Variants in SPATA6L observed in about 807,000 individuals in gnomAD.
SPATA6L encodes the protein spermatogenesis associated 6 like, also known as spermatogenesis associated 6-like protein.
SPATA6L carries 68 observed loss-of-function variants against 49.2 expected under a neutral mutation model. The observed-to-expected ratio is 1.38, with a 90% CI of 1.14 to 1.69. The LOEUF (loss-of-function observed/expected upper bound fraction) is 1.69. Ranked by LOEUF, SPATA6L falls within the 40% of genes most tolerant of loss-of-function variation. The pLI is 0.00. For synonymous variants in SPATA6L, 198 were observed against 165.7 expected, an observed-to-expected ratio of 1.19 and a Z score of -1.50; for missense variants, 668 against 464.3, an observed-to-expected ratio of 1.44 and a Z score of -4.03.
rs1261979876 is a variant in SPATA6L at position 4,606,557 on chromosome 9, G to A, written c.996-1117C>T. Reference sequence around the variant, plus strand: ...GGGCACACTGACACCTCACACGGCCGGGTACTCCAACAGACCTGCAGCTGA... The same window carrying A: ...GGGCACACTGACACCTCACACGGCCAGGTACTCCAACAGACCTGCAGCTGA... On this transcript the variant is annotated intron_variant, in intron 9 of 11. Coordinates refer to ENST00000682582, the MANE Select transcript of SPATA6L (RefSeq NM_001353486.2). 2.7e-4 allele frequency among the ~76,000 whole-genome samples: 10 copies of A among 36,796 alleles called. 5 individuals are homozygous for A. The highest frequency in any genetic ancestry group is 7.2e-4 in the African/African-American group (8 of 11,110). The allele number at this position is 36,796 out of a possible 152,430, so 24.1% of individuals were successfully genotyped here.
At chr9:4,605,914 T>A (rs1324224780) in intron 9 of SPATA6L, among the ~76,000 whole-genome samples, 3 of 152,166 alleles carry the variant, frequency 2.0e-5, no homozygotes, top group Non-Finnish European at 4.4e-5. Flanking sequence ...TTCATCTCAC[T>A]AGGGAGTGCC....
intron 4 of SPATA6L, among the ~76,000 whole-genome samples, chr9:4,631,802 A>G (rs10974676): frequency 0.15 from 23,354 of 152,110 alleles, 2,969 homozygotes; most frequent in East Asian, 0.34. Context: ...AGTGAGTAAG[A>G]GTGCAGGCTC....
chr9:4,607,522 G>T (rs1202676142), intron 9 of SPATA6L, among the ~76,000 whole-genome samples: 1 of 152,168 alleles, frequency 6.6e-6, no homozygotes, highest in Non-Finnish European at 1.5e-5. Flanking sequence ...TTTCAACCCA[G>T]AATGTCATAT....
intron 3 of SPATA6L, among the ~76,000 whole-genome samples, chr9:4,649,884 AT>A (rs908540278): frequency 2.0e-4 from 31 of 152,000 alleles, no homozygotes; most frequent in Non-Finnish European, 3.2e-4. Context: ...GAAATGCTGA[AT>A]TTTTTTTCTG....
At position 4,625,485 on chromosome 9, in the gene SPATA6L, T is replaced by G. The variant is rs1448092580; in HGVS notation, c.511A>C (p.Lys171Gln). The change falls in exon 6 of 12, where the codon AAG becomes CAG. Residue 171 changes from lysine to glutamine, a missense_variant. Coordinates refer to ENST00000682582, the MANE Select transcript of SPATA6L (RefSeq NM_001353486.2). ...FPLNTIKMKL[K>Q]ENNLNRLPKG... ...GGCAGTCTGTTGAGATTATTCTCCTTTAGTTTCATCTTTATAGTATTTAAG... is the reference window on the plus strand; with the variant it reads ...GGCAGTCTGTTGAGATTATTCTCCTGTAGTTTCATCTTTATAGTATTTAAG... 2 of 1,614,006 alleles carry G rather than the reference T, an allele frequency of 1.2e-6. No homozygotes were observed. Among genetic ancestry groups the G allele is most frequent in the African/African-American group, 2.7e-5 (2 of 74,936 alleles).
intron 3 of SPATA6L, among the ~76,000 whole-genome samples, chr9:4,649,581 C>T (rs887109391): frequency 6.6e-6 from 1 of 152,188 alleles, no homozygotes; most frequent in Non-Finnish European, 1.5e-5. Flanking sequence ...TGTATTTGAA[C>T]CCAAGTAGTC....
intron 3 of SPATA6L, among the ~76,000 whole-genome samples, chr9:4,644,160 A>G (rs1834707324): frequency 7.3e-6 from 1 of 137,642 alleles, no homozygotes; most frequent in South Asian, 2.5e-4. Flanking sequence ...CAGCCTAGGC[A>G]ACATAGTAAG....
intron 5 of SPATA6L, 48 bp downstream of exon 5, chr9:4,629,041 GAA>G (rs199719649): frequency 0.055 from 64,252 of 1,174,454 alleles, 2,744 homozygotes; most frequent in Admixed American, 0.2. Context: ...CTTTAAATTT[GAA>G]AAAAAAAAAT....
At chr9:4,647,478 G>C (rs972666349) in intron 3 of SPATA6L, among the ~76,000 whole-genome samples, 2 of 152,136 alleles carry the variant, frequency 1.3e-5, no homozygotes, top group Non-Finnish European at 2.9e-5. Context: ...TGTAATCCCA[G>C]CTACTCGGGA....
rs67422511 is a variant in SPATA6L, at chr9:4,600,507, G to GAGAGAGAGAGAGAGAGAGAGAGAA, written c.*303_*304insTTCTCTCTCTCTCTCTCTCTCTCT. Reference sequence around the variant, plus strand: ...CCAGAGAGAGCCAGAGAGAGAGAGAGGGGAAGTGTTCAGATAAGCACCTGC... The same window carrying GAGAGAGAGAGAGAGAGAGAGAGAA: ...CCAGAGAGAGCCAGAGAGAGAGAGAGAGAGAGAGAGAGAGAGAGAGAGAAGGGAAGTGTTCAGATAAGCACCTGC... On this transcript the variant is annotated 3_prime_UTR_variant, in exon 12 of 12. Coordinates refer to ENST00000682582, the MANE Select transcript of SPATA6L (RefSeq NM_001353486.2). The GAGAGAGAGAGAGAGAGAGAGAGAA allele has an allele frequency of 6.6e-6, 1 of 151,168 alleles. No individual in the cohort carries two copies. The highest frequency in any genetic ancestry group is 1.5e-5 in the Non-Finnish European group (1 of 67,648). The allele number at this position is 151,168 out of a possible 1,614,324, so 9.4% of individuals were successfully genotyped here.
At position 4,662,919 on chromosome 9, in the gene SPATA6L, T is replaced by C. The variant is rs746208317; in HGVS notation, c.40-883A>G. On this transcript the variant is annotated intron_variant, in intron 1 of 11. Transcript: ENST00000682582. The surrounding 1 kb of genome is among the most constrained non-coding windows in gnomAD (Gnocchi z 4.9). Reference sequence around the variant, plus strand: ...GCTGTTGGACCTGCTGCTGGTGGCCTTGATCAAAGGGCTGGTCCGCAGGCG... The same window carrying C: ...GCTGTTGGACCTGCTGCTGGTGGCCCTGATCAAAGGGCTGGTCCGCAGGCG... 2 of 1,610,008 alleles carry C rather than the reference T, an allele frequency of 1.2e-6. No homozygotes were observed. The highest frequency in any genetic ancestry group is 2.2e-5 in the East Asian group (1 of 44,820).
chr9:4,647,763 G>A (rs1052364507), intron 3 of SPATA6L, among the ~76,000 whole-genome samples: 7 of 151,366 alleles, frequency 4.6e-5, no homozygotes, highest in Admixed American at 4.6e-4. Flanking sequence ...TATTAGGTTG[G>A]TGCAATTATA....
In SPATA6L at chr9:4,662,049, G is replaced by T; in HGVS notation, c.40-13C>A. 3.7e-6 allele frequency: 6 copies of T among 1,612,612 alleles called. No individual in the cohort carries two copies. Among genetic ancestry groups the T allele is most frequent in the Non-Finnish European group, 5.1e-6 (6 of 1,179,426 alleles). ...CTGGGCAAGAAATCTTAAAAAGAAA[G>T]AAAACAACAAACAAGGGAGAGAAAA... is the stretch of plus-strand genomic sequence containing the variant. On this transcript the variant is annotated splice_polypyrimidine_tract_variant and intron_variant, in intron 1 of 11. Transcript: ENST00000682582. The surrounding 1 kb of genome is among the most constrained non-coding windows in gnomAD (Gnocchi z 4.9).
At chr9:4,636,755 G>T (rs1057393512) in intron 3 of SPATA6L, among the ~76,000 whole-genome samples, 2 of 152,108 alleles carry the variant, frequency 1.3e-5, no homozygotes, top group Non-Finnish European at 2.9e-5. Flanking sequence ...TAATGTTTCA[G>T]TTCTACCGAG....
chr9:4,660,218 G>A (rs917017097), intron 2 of SPATA6L, among the ~76,000 whole-genome samples: 2 of 152,156 alleles, frequency 1.3e-5, no homozygotes, highest in African/African-American at 4.8e-5. Flanking sequence ...CACAGCAAAA[G>A]AAACTACCAT....
chr9:4,655,641 C>T (rs940105906), intron 3 of SPATA6L, among the ~76,000 whole-genome samples: 3 of 151,952 alleles, frequency 2.0e-5, no homozygotes, highest in Non-Finnish European at 4.4e-5. Flanking sequence ...CTCCGCCTCC[C>T]AGGTTTAAGC....
In SPATA6L at chr9:4,662,151, C is replaced by G. The variant is rs997553754; in HGVS notation, c.40-115G>C. On this transcript the variant is annotated intron_variant, in intron 1 of 11. Transcript: ENST00000682582. The surrounding 1 kb of genome is among the most constrained non-coding windows in gnomAD (Gnocchi z 4.9). ...CAGACACTGACATTTTCCCCATCAC[C>G]TCACTCCCTCACCTGTACCTCCCAA... The G allele has an allele frequency of 1.3e-6, 2 of 1,482,830 alleles. No homozygotes were observed. The highest frequency in any genetic ancestry group is 2.7e-5 in the South Asian group (2 of 73,650). The allele number at this position is 1,482,830 out of a possible 1,614,324, so 91.9% of individuals were successfully genotyped here. A position where few individuals can be genotyped will look rare whatever the true frequency, so the allele number is the denominator to read the frequency against.
chr9:4,618,164 T>G (rs1828450297), intron 8 of SPATA6L, 54 bp from the exon 9 acceptor site: 3 of 1,512,282 alleles, frequency 2.0e-6, no homozygotes, highest in Non-Finnish European at 2.7e-6. Context: ...TTGCTTAATT[T>G]AGAGCTGGGG....
intron 3 of SPATA6L, among the ~76,000 whole-genome samples, chr9:4,651,781 G>C (rs575723761): frequency 6.6e-6 from 1 of 152,226 alleles, no homozygotes; most frequent in African/African-American, 2.4e-5. Context: ...AGTAAACTAG[G>C]AATAAAGAGG....
Sources: allele counts gnomAD v4.1 joint callset (sites outside exome capture counted in the v4.1 genomes callset), GRCh38; gene constraint gnomAD v4.1.1; non-coding constraint Gnocchi (gnomAD v3.1); transcripts MANE v1.5; gene names NCBI Gene and HGNC (gene_info 2026-07-23, HGNC 2026-07-21).